Variants in KIAA1217 observed in about 807,000 individuals in gnomAD.
KIAA1217 encodes the protein sickle tail protein homolog.
KIAA1217 carries 88 observed loss-of-function variants against 163.9 expected under a neutral mutation model. The ratio of observed to expected loss-of-function variants is 0.54; its 90% CI spans 0.45 to 0.64. KIAA1217 has a LOEUF of 0.64. KIAA1217 is among the 30% of genes least tolerant of loss of function. KIAA1217 has a pLI of 0.00. For missense variants in KIAA1217, 2,372 were observed against 2,475.0 expected (o/e 0.96, Z 0.88); for synonymous variants, 903 against 923.1 (o/e 0.98, Z 0.39).
chr10:23,852,927 GT>G (rs1316599992), intron 1 of KIAA1217, among the ~76,000 whole-genome samples: 6 of 152,286 alleles, frequency 3.9e-5, no homozygotes, highest in African/African-American at 1.4e-4. Context: ...AGACAATGGG[GT>G]TTTCTAGATA....
chr10:23,704,172 G>GTGTGTATATATATATATATATA (rs1229370789), intron 1 of KIAA1217, among the ~76,000 whole-genome samples: 3 of 39,946 alleles, frequency 7.5e-5, no homozygotes, highest in Admixed American at 3.1e-4. Context: ...GTGTGTGTGT[G>GTGTGTATATATATATATATATA]TATATATATA....
At chr10:24,238,631 ACT>A (rs1408956311) in intron 2 of KIAA1217, among the ~76,000 whole-genome samples, 5 of 151,976 alleles carry the variant, frequency 3.3e-5, no homozygotes, top group African/African-American at 1.2e-4. Flanking sequence ...ACACATACAC[ACT>A]CTGGCAGGGA....
chr10:24,427,823 A>G (rs1473153401), intron 3 of KIAA1217, among the ~76,000 whole-genome samples: 1 of 152,224 alleles, frequency 6.6e-6, no homozygotes, highest in Non-Finnish European at 1.5e-5. Context: ...CATCATGCCA[A>G]TAAAACGCCA....
intron 2 of KIAA1217, among the ~76,000 whole-genome samples, chr10:24,107,542 A>G (rs577859278): frequency 2.7e-4 from 41 of 152,348 alleles, no homozygotes; most frequent in African/African-American, 9.9e-4. Context: ...TCTCACCAGC[A>G]TCTGTTACTT....
At chr10:24,529,457 T>C (rs932348803) in intron 14 of KIAA1217, among the ~76,000 whole-genome samples, 1 of 152,138 alleles carries the variant, frequency 6.6e-6, no homozygotes, top group Non-Finnish European at 1.5e-5. Context: ...ACAAGGCAAA[T>C]TCAAGTTTTA....
chr10:23,756,019 T>A (rs983149290), intron 1 of KIAA1217, among the ~76,000 whole-genome samples: 1 of 152,062 alleles, frequency 6.6e-6, no homozygotes, highest in Non-Finnish European at 1.5e-5. Flanking sequence ...TGCAGCAGTG[T>A]GATCATAGCT....
At position 24,356,638 on chromosome 10, in the gene KIAA1217, T is replaced by C. The variant is rs550650069; in HGVS notation, c.355-24231T>C. 5.3e-5 allele frequency among the ~76,000 whole-genome samples: 8 copies of C among 152,316 alleles called. No homozygotes were observed. In the South Asian group the frequency reaches 1.7e-3, roughly 32 times the overall value. On this transcript the variant is annotated intron_variant, in intron 2 of 20. Coordinates refer to ENST00000376454, the MANE Select transcript of KIAA1217 (RefSeq NM_019590.5). The stretch of plus-strand genomic sequence containing the variant: ...GCACAACCCACAGGAATGAATTAAT[T>C]CTGTTATCTTGGAAGCACGTTCCTA...
At chr10:23,943,266 C>T (rs1843860607) in intron 1 of KIAA1217, among the ~76,000 whole-genome samples, 2 of 152,094 alleles carry the variant, frequency 1.3e-5, no homozygotes, top group South Asian at 2.1e-4. Flanking sequence ...AAGCAATGTA[C>T]AAAACAACTA....
Position 23,711,391 on chromosome 10 carries a change from T to C in KIAA1217, c.-321+16157T>C, listed in dbSNP as rs1837247228. ...AGGGAGGCAAGAGGGTCACAGAAGA[T>C]GTGATGATGTAAGCAGAGGTCAAAG... On this transcript the variant is annotated intron_variant, in intron 1 of 18. Transcript: ENST00000376462. Among the ~76,000 whole-genome samples the C allele has an allele frequency of 2.0e-5, 3 of 152,112 alleles. No individual in the cohort carries two copies. The South Asian group carries it at 6.2e-4, about 32-fold the overall frequency.
chr10:24,370,264 CA>C (rs5783891), intron 2 of KIAA1217, among the ~76,000 whole-genome samples: 24,687 of 73,044 alleles, frequency 0.34, 1,410 homozygotes, highest in African/African-American at 0.41. Context: ...GACTCTGTCT[CA>C]AAAAAAAAAA....
chr10:24,071,761 T>G (rs1157347110), intron 2 of KIAA1217, among the ~76,000 whole-genome samples: 1 of 152,170 alleles, frequency 6.6e-6, no homozygotes, highest in East Asian at 1.9e-4. Flanking sequence ...GCAATGACCC[T>G]GAAGAGGCAT....
chr10:24,329,160 T>C (rs1415798614), intron 2 of KIAA1217, among the ~76,000 whole-genome samples: 3 of 147,964 alleles, frequency 2.0e-5, no homozygotes, highest in African/African-American at 4.9e-5. Context: ...TAGTTTATAT[T>C]TATACATAGT....
rs112181379 is a variant in KIAA1217, at chr10:24,022,423, G to A, written c.-171+15049G>A. 2.2e-3 allele frequency among the ~76,000 whole-genome samples: 328 copies of A among 151,734 alleles called. 2 individuals carry two copies. The highest frequency in any genetic ancestry group is 7.1e-3 in the African/African-American group (293 of 41,498). The stretch of plus-strand genomic sequence containing the variant: ...ACAAGATACAATTACCCACCTATTA[G>A]AATACCTAAAATAAAAAAATTTTAA... On this transcript the variant is annotated intron_variant, in intron 2 of 18. Coordinates refer to the KIAA1217 transcript ENST00000376462.
chr10:24,529,890 T>C (rs1013485756), intron 14 of KIAA1217, among the ~76,000 whole-genome samples: 1 of 150,648 alleles, frequency 6.6e-6, no homozygotes, highest in Non-Finnish European at 1.5e-5. Context: ...CTCCGCCTCC[T>C]GGGTTCAAGC....
At chr10:24,044,552 T>C (rs1716678608) in intron 2 of KIAA1217, among the ~76,000 whole-genome samples, 1 of 152,078 alleles carries the variant, frequency 6.6e-6, no homozygotes, top group African/African-American at 2.4e-5. Context: ...CTTAGACTAG[T>C]GTAGTGACCC....
intron 1 of KIAA1217, 25 bp downstream of exon 1, chr10:24,209,288 T>TG (rs767391686): frequency 1.1e-5 from 18 of 1,586,560 alleles, no homozygotes; most frequent in Middle Eastern, 3.3e-4. Flanking sequence ...CATTCAAAGA[T>TG]GGAGTTACAG....
rs1236851819 is a variant in KIAA1217 at position 23,784,627 on chromosome 10, A to G, written c.-321+89393A>G. Among the ~76,000 whole-genome samples the G allele has an allele frequency of 2.6e-5, 4 of 152,080 alleles. No homozygotes were observed. The East Asian group carries it at 7.7e-4, about 29-fold the overall frequency. Reference sequence around the variant, plus strand: ...TTTTTATCTTTTGTGCATTTAGTATATGTTTTGCTTTGTAGTTACCATGAG... The same window carrying G: ...TTTTTATCTTTTGTGCATTTAGTATGTGTTTTGCTTTGTAGTTACCATGAG... On this transcript the variant is annotated intron_variant, in intron 1 of 18. Coordinates refer to the KIAA1217 transcript ENST00000376462.
chr10:24,062,455 A>G (rs2060764748), intron 2 of KIAA1217, among the ~76,000 whole-genome samples: 1 of 151,718 alleles, frequency 6.6e-6, no homozygotes, highest in Non-Finnish European at 1.5e-5. Flanking sequence ...ATGTCCCTAC[A>G]AAGGACATGA....
In KIAA1217 at chr10:24,378,197, C is replaced by G. The variant is rs1591444107; in HGVS notation, c.355-2672C>G. 5.9e-5 allele frequency among the ~76,000 whole-genome samples: 9 copies of G among 152,264 alleles called. No homozygotes were observed. The South Asian group carries it at 1.9e-3, about 32-fold the overall frequency. ...GACTAATAGATCCTCTGTCCCAGAT[C>G]TAAATTTACAATTGAGAGTTTAATT... On this transcript the variant is annotated intron_variant, in intron 2 of 20. Transcript: ENST00000376454.
Sources: gnomAD v4.1 joint callset for allele counts (sites outside exome capture counted in the v4.1 genomes callset) on GRCh38, gnomAD v4.1.1 for gene constraint, MANE v1.5 for transcripts, NCBI Gene and HGNC (gene_info 2026-07-23, HGNC 2026-07-21) for gene names.